KAZN: variants seen among roughly 807,000 people sequenced by gnomAD.
KAZN encodes the protein kazrin.
In KAZN, 40 loss-of-function variants were observed where a neutral mutation model predicts 87.4. That is an observed-to-expected ratio of 0.46 (90% CI 0.36 to 0.60). The LOEUF is 0.60. KAZN is among the 20% of genes least tolerant of loss of function. KAZN has a pLI of 0.00. For missense variants in KAZN, 898 were observed against 1,073.9 expected (o/e 0.84, Z 2.29); for synonymous variants, 466 against 458.3 (o/e 1.02, Z -0.22).
At chr1:15,003,418 T>A (rs1668698166) in intron 2 of KAZN, among the ~76,000 whole-genome samples, 1 of 152,210 alleles carries the variant, frequency 6.6e-6, no homozygotes, top group African/African-American at 2.4e-5. Context: ...GTGGTGATGG[T>A]GTCAGGGTGT....
chr1:14,632,297 C>G (rs1572092540), intron 1 of KAZN, among the ~76,000 whole-genome samples: 1 of 152,316 alleles, frequency 6.6e-6, no homozygotes. Context: ...TTGTATGAAG[C>G]ATAACATCCC....
intron 1 of KAZN, among the ~76,000 whole-genome samples, chr1:13,927,890 A>G (rs377726227): frequency 1.3e-5 from 2 of 152,210 alleles, no homozygotes; most frequent in African/African-American, 2.4e-5. Context: ...ATATGGTCAC[A>G]TGAACATCAA....
At chr1:14,620,065 AACAGTTACCCATCTGTACAATAGTAAGT>A (rs994627270) in intron 1 of KAZN, among the ~76,000 whole-genome samples, 2 of 152,168 alleles carry the variant, frequency 1.3e-5, no homozygotes. Flanking sequence ...CTGCTAGGTT[AACAGTTACCCATCTGTACAATAGTAAGT>A]ACAGTTACCC....
At chr1:14,387,264 T>G (rs1267950475) in intron 2 of KAZN, among the ~76,000 whole-genome samples, 2 of 152,144 alleles carry the variant, frequency 1.3e-5, no homozygotes, top group Non-Finnish European at 2.9e-5. Context: ...TTGAATGTCC[T>G]CCCGTAGGTC....
chr1:14,515,201 T>A (rs1439119104), intron 2 of KAZN, among the ~76,000 whole-genome samples: 2 of 152,082 alleles, frequency 1.3e-5, no homozygotes, highest in Non-Finnish European at 2.9e-5. Flanking sequence ...CTATCAACTC[T>A]CTCCTACATG....
chr1:14,451,374 A>G (rs1254315662), intron 2 of KAZN, among the ~76,000 whole-genome samples: 3 of 152,120 alleles, frequency 2.0e-5, no homozygotes, highest in African/African-American at 7.2e-5. Context: ...GTAGACTTAG[A>G]TTGCTTATCT....
chr1:14,605,957 G>A (rs1677323199), intron 1 of KAZN, among the ~76,000 whole-genome samples: 1 of 152,220 alleles, frequency 6.6e-6, no homozygotes, highest in Non-Finnish European at 1.5e-5. Flanking sequence ...CTGGATTAAT[G>A]CATTTCAGGA....
At chr1:14,349,217 T>A (rs545308925) in intron 2 of KAZN, 1 of 152,304 alleles carries the variant, frequency 6.6e-6, no homozygotes, top group South Asian at 2.1e-4. Flanking sequence ...GAGGGATACA[T>A]GGCTGGGAGC....
intron 1 of KAZN, among the ~76,000 whole-genome samples, chr1:14,736,299 G>GTATA (rs1158524467): frequency 3.3e-5 from 4 of 121,098 alleles, no homozygotes; most frequent in African/African-American, 1.3e-4. Flanking sequence ...GTGTGTGTGT[G>GTATA]TATATTTTTT....
At chr1:14,616,825 C>T (rs573672477) in intron 1 of KAZN, among the ~76,000 whole-genome samples, 3 of 152,318 alleles carry the variant, frequency 2.0e-5, no homozygotes, top group East Asian at 1.9e-4. Flanking sequence ...GGTTTCTGCC[C>T]TCGTGGCCTC....
At chr1:14,413,544 G>T (rs551941387) in intron 2 of KAZN, among the ~76,000 whole-genome samples, 1 of 137,888 alleles carries the variant, frequency 7.3e-6, no homozygotes, top group Non-Finnish European at 1.5e-5. Context: ...AGCCGAGATC[G>T]CGCCACTGCA....
intron 2 of KAZN, among the ~76,000 whole-genome samples, chr1:15,025,531 C>T (rs1305771236): frequency 6.6e-6 from 1 of 152,208 alleles, no homozygotes; most frequent in Non-Finnish European, 1.5e-5. Context: ...GGCAGACATC[C>T]CTAATCAACC....
intron 1 of KAZN, among the ~76,000 whole-genome samples, chr1:13,951,855 C>G (rs1420695163): frequency 1.3e-5 from 2 of 152,136 alleles, no homozygotes; most frequent in South Asian, 2.1e-4. Flanking sequence ...AGTAAAAGTG[C>G]CTTAAGACAC....
intron 1 of KAZN, among the ~76,000 whole-genome samples, chr1:14,063,417 C>T (rs1642873158): frequency 6.6e-6 from 1 of 152,172 alleles, no homozygotes; most frequent in Non-Finnish European, 1.5e-5. Flanking sequence ...GCATACTCTC[C>T]ATTTATTCAA....
chr1:14,342,121 T>A (rs1304271648), intron 2 of KAZN, among the ~76,000 whole-genome samples: 1 of 152,330 alleles, frequency 6.6e-6, no homozygotes, highest in East Asian at 1.9e-4. Context: ...CTAAGGATAA[T>A]GGCTTCTAGC....
chr1:13,899,278 A>G (rs1451843561), intron 1 of KAZN, among the ~76,000 whole-genome samples: 1 of 152,250 alleles, frequency 6.6e-6, no homozygotes, highest in African/African-American at 2.4e-5. Context: ...ACCTTGTTGC[A>G]TCCTCAGAAG....
At chr1:14,868,948 G>A (rs2807552) in intron 1 of KAZN, among the ~76,000 whole-genome samples, 109,077 of 151,990 alleles carry the variant, frequency 0.72, 39,435 homozygotes, top group East Asian at 0.96. Context: ...TGTTCTACTC[G>A]GTGATTTTTC....
intron 1 of KAZN, among the ~76,000 whole-genome samples, chr1:13,896,349 G>A (rs933094414): frequency 6.6e-6 from 1 of 152,150 alleles, no homozygotes; most frequent in Admixed American, 6.5e-5. Flanking sequence ...TAGTGCAGTG[G>A]CATGATCATA....
intron 1 of KAZN, among the ~76,000 whole-genome samples, chr1:13,986,445 C>T (rs1639021694): frequency 6.6e-6 from 1 of 152,126 alleles, no homozygotes; most frequent in African/African-American, 2.4e-5. Context: ...TAAAAGTTTA[C>T]ATCAGAGAGA....
Sources: allele counts gnomAD v4.1 joint callset (sites outside exome capture counted in the v4.1 genomes callset), GRCh38; gene constraint gnomAD v4.1.1; transcripts MANE v1.5; gene names NCBI Gene and HGNC (gene_info 2026-07-23, HGNC 2026-07-21).